The following GOLPH3L variants were observed in gnomAD, a reference collection of about 807,000 sequenced individuals.
The protein encoded by GOLPH3L is Golgi phosphoprotein 3-like.
In GOLPH3L, 22 loss-of-function variants were observed where a neutral mutation model predicts 30.3. The ratio of observed to expected loss-of-function variants is 0.73; its 90% CI spans 0.52 to 1.04. The LOEUF (loss-of-function observed/expected upper bound fraction) is 1.04. GOLPH3L is among the 50% of genes least tolerant of loss of function. GOLPH3L has a pLI of 0.00. For missense variants in GOLPH3L, 303 were observed against 345.8 expected (o/e 0.88, Z 0.98); for synonymous variants, 120 against 128.2 (o/e 0.94, Z 0.43).
intron 4 of GOLPH3L, 149 bp downstream of exon 4, chr1:150,661,665 C>T (rs1650369580): frequency 1.8e-6 from 1 of 555,052 alleles, no homozygotes; most frequent in Non-Finnish European, 3.2e-6. Flanking sequence ...ATCAATTAAC[C>T]ATGCTTTTTC....
At chr1:150,694,496 C>A in intron 2 of GOLPH3L, 160 bp downstream of exon 2, 2 of 515,992 alleles carry the variant, frequency 3.9e-6, no homozygotes, top group Non-Finnish European at 3.4e-6. Context: ...GATTTTTACC[C>A]TCCAAGTATC....
intron 4 of GOLPH3L, among the ~76,000 whole-genome samples, chr1:150,659,995 C>T (rs902202846): frequency 1.3e-5 from 2 of 151,980 alleles, no homozygotes; most frequent in East Asian, 1.9e-4. Context: ...GATTGCACCA[C>T]GGCACTCCAT....
At chr1:150,659,444 G>C (rs1650320525) in intron 4 of GOLPH3L, among the ~76,000 whole-genome samples, 1 of 152,176 alleles carries the variant, frequency 6.6e-6, no homozygotes, top group Non-Finnish European at 1.5e-5. Flanking sequence ...AGAGATCCGT[G>C]CCTTAAGGAC....
intron 2 of GOLPH3L, among the ~76,000 whole-genome samples, chr1:150,691,172 C>T (rs72702540): frequency 1.5e-4 from 22 of 148,218 alleles, no homozygotes; most frequent in Non-Finnish European, 2.8e-4. Flanking sequence ...AGCAAGACTC[C>T]GTATCAAAAA....
rs981225190 is a variant in GOLPH3L, at chr1:150,673,126, T to C, written c.184-9363A>G. 6.6e-5 allele frequency among the ~76,000 whole-genome samples: 10 copies of C among 152,158 alleles called. No individual in the cohort carries two copies. The South Asian group carries it at 2.1e-3, about 32-fold the overall frequency. ...ATTCCCATATAAGCTTTAAATCTCA[T>C]TCTGGTCAGTAAAAATATCATTAGT... On this transcript the variant is annotated intron_variant, in intron 2 of 4. Coordinates refer to ENST00000271732, the MANE Select transcript of GOLPH3L (RefSeq NM_018178.6).
Position 150,663,520 on chromosome 1 carries a change from T to G in GOLPH3L, c.315+112A>C, listed in dbSNP as rs1400541053. ...TAACCTGTTTAGACAATGGAACTGCTGAGTCAGTGATATTTATTTTATCTT... is the reference window on the plus strand; with the variant it reads ...TAACCTGTTTAGACAATGGAACTGCGGAGTCAGTGATATTTATTTTATCTT... On this transcript the variant is annotated intron_variant, in intron 3 of 4. Transcript: ENST00000271732. 13 of 960,804 alleles carry G rather than the reference T, an allele frequency of 1.4e-5. No homozygotes were observed. The South Asian group carries it at 1.4e-4, about 10-fold the overall frequency. 59.5% of individuals were successfully genotyped at this position (960,804 alleles called of 1,614,324 possible). A position where few individuals can be genotyped will look rare whatever the true frequency, so the allele number is the denominator to read the frequency against.
At position 150,697,145 on chromosome 1, in the gene GOLPH3L, G is replaced by C. The variant is rs1651383048; in HGVS notation, c.-166C>G. 1 of 151,650 alleles carries C rather than the reference G, an allele frequency of 6.6e-6. No individual in the cohort carries two copies. The highest frequency in any genetic ancestry group is 2.4e-5 in the African/African-American group (1 of 41,232). The allele number at this position is 151,650 out of a possible 1,614,324, so 9.4% of individuals were successfully genotyped here. On this transcript the variant is annotated 5_prime_UTR_variant, in exon 1 of 5. Transcript: ENST00000271732. ...CTTCCTGATCCTTCGATGCAGAGAA[G>C]GAATAACACATCAGCTTCCTCAGGA...
At chr1:150,683,699 C>A (rs1342100257) in intron 2 of GOLPH3L, among the ~76,000 whole-genome samples, 1 of 14,958 alleles carries the variant, frequency 6.7e-5, no homozygotes, top group Non-Finnish European at 1.2e-4. Flanking sequence ...GACTCTCTCT[C>A]AAAAAAAAAA....
At chr1:150,665,051 G>A (rs1650465339) in intron 2 of GOLPH3L, among the ~76,000 whole-genome samples, 1 of 151,998 alleles carries the variant, frequency 6.6e-6, no homozygotes, top group African/African-American at 2.4e-5. Flanking sequence ...AATTACTAAT[G>A]TCTATTGAAT....
chr1:150,660,142 T>C (rs1277253403), intron 4 of GOLPH3L, among the ~76,000 whole-genome samples: 1 of 152,132 alleles, frequency 6.6e-6, no homozygotes, highest in Non-Finnish European at 1.5e-5. Context: ...AGTAAGCACA[T>C]AAAAATATGC....
At chr1:150,677,788 T>C (rs994321465) in intron 2 of GOLPH3L, among the ~76,000 whole-genome samples, 5 of 151,572 alleles carry the variant, frequency 3.3e-5, no homozygotes, top group Admixed American at 2.6e-4. Flanking sequence ...ACCATGCCCA[T>C]TTAATCTTTT....
At chr1:150,663,030 T>A (rs1650405403) in intron 3 of GOLPH3L, among the ~76,000 whole-genome samples, 1 of 138,606 alleles carries the variant, frequency 7.2e-6, no homozygotes, top group Non-Finnish European at 1.6e-5. Context: ...CATCATACTC[T>A]ATTTCGTAAT....
At chr1:150,663,541 A>T in intron 3 of GOLPH3L, 91 bp downstream of exon 3, 1 of 1,186,122 alleles carries the variant, frequency 8.4e-7, no homozygotes. Flanking sequence ...TATTTATTTT[A>T]TCTTACTACT....
chr1:150,686,880 T>C (rs951730879), intron 2 of GOLPH3L, among the ~76,000 whole-genome samples: 3 of 152,230 alleles, frequency 2.0e-5, no homozygotes, highest in Non-Finnish European at 4.4e-5. Flanking sequence ...GGTCTTCCAG[T>C]TTATTTCCTT....
Position 150,646,729 on chromosome 1 carries a change from T to C in GOLPH3L, c.*1592A>G, listed in dbSNP as rs1038553769. 28 of 152,244 alleles carry C rather than the reference T, an allele frequency of 1.8e-4. No homozygotes were observed. Among genetic ancestry groups the C allele is most frequent in the African/African-American group, 6.8e-4 (28 of 41,456 alleles). 9.4% of individuals were successfully genotyped at this position (152,244 alleles called of 1,614,324 possible). On this transcript the variant is annotated 3_prime_UTR_variant, in exon 5 of 5. Transcript: ENST00000271732. The stretch of plus-strand genomic sequence containing the variant: ...TATTTCTAATCAAGAGGATTTAATG[T>C]CAGGTCTGGGTCATCTGTATTAACC...
At chr1:150,696,894 C>T (rs1651369924) in intron 1 of GOLPH3L, 98 bp downstream of exon 1, 1 of 152,050 alleles carries the variant, frequency 6.6e-6, no homozygotes, top group African/African-American at 2.4e-5. Flanking sequence ...CAAATGAATA[C>T]AAACCTTTCC....
chr1:150,659,315 GATGGCCTTGATGCCC>G (rs1650317739), intron 4 of GOLPH3L, among the ~76,000 whole-genome samples: 1 of 152,228 alleles, frequency 6.6e-6, no homozygotes, highest in Admixed American at 6.5e-5. Context: ...ACATGCTTGT[GATGGCCTTGATGCCC>G]ATGCTGGAAG....
In GOLPH3L at chr1:150,648,452, T is replaced by G. The variant is rs775409398; in HGVS notation, c.727A>C (p.Thr243Pro). 15 of 1,613,938 alleles carry G rather than the reference T, an allele frequency of 9.3e-6. No individual in the cohort carries two copies. In the South Asian group the frequency reaches 1.5e-4, roughly 17 times the overall value. ...ATTGCCACATCATACTTGTCATCTG[T>G]CAGAGAGGAGAAGACATTCTCTAGC... ...DVLENVFSSL[T>P]DDKYDVAMNR... The change falls in exon 5 of 5, where the codon ACA (threonine) becomes CCA (proline). Residue 243 changes from threonine (T) to proline (P), a missense_variant. Physicochemically the swap from Thr to Pro is conservative, Grantham distance 38. Transcript: ENST00000271732.
chr1:150,651,956 A>G (rs1650114796), intron 4 of GOLPH3L, among the ~76,000 whole-genome samples: 1 of 152,186 alleles, frequency 6.6e-6, no homozygotes, highest in Non-Finnish European at 1.5e-5. Flanking sequence ...TCAACCACAC[A>G]TTGGAGAAGT....
Sources: allele counts gnomAD v4.1 joint callset (sites outside exome capture counted in the v4.1 genomes callset), GRCh38; gene constraint gnomAD v4.1.1; transcripts MANE v1.5; gene names NCBI Gene and HGNC (gene_info 2026-07-23, HGNC 2026-07-21).